Variants in SERPINA6 observed in about 807,000 individuals in gnomAD.
SERPINA6 encodes corticosteroid-binding globulin.
Under a neutral mutation model 26.4 loss-of-function variants are expected in SERPINA6, and 19 were observed. The ratio of observed to expected loss-of-function variants is 0.72; its 90% CI spans 0.50 to 1.06. SERPINA6 has a LOEUF of 1.06. SERPINA6 is among the 50% of genes least tolerant of loss of function. SERPINA6 has a pLI of 0.00. For synonymous variants in SERPINA6, 196 were observed against 199.4 expected (o/e 0.98, Z 0.14); for missense variants, 473 against 504.0 (o/e 0.94, Z 0.59).
intron 3 of SERPINA6, 107 bp downstream of exon 3, chr14:94,309,629 G>C (rs1190569433): frequency 3.1e-6 from 4 of 1,302,932 alleles, no homozygotes; most frequent in Non-Finnish European, 4.4e-6. Context: ...AGCCCTGGAG[G>C]GTGAGTCCAG....
At chr14:94,306,022 A>T (rs1595572114) in intron 4 of SERPINA6, 49 bp downstream of exon 4, 1 of 1,607,286 alleles carries the variant, frequency 6.2e-7, no homozygotes, top group South Asian at 1.1e-5. Context: ...TTATATTTAT[A>T]TTGTGAATTT....
At chr14:94,312,500 C>T (rs61194802) in intron 2 of SERPINA6, among the ~76,000 whole-genome samples, 1 of 152,208 alleles carries the variant, frequency 6.6e-6, no homozygotes, top group Non-Finnish European at 1.5e-5. Context: ...ACAAAGATAC[C>T]CTGCACAAGA....
intron 1 of SERPINA6, among the ~76,000 whole-genome samples, chr14:94,322,998 G>A (rs549881824): frequency 3.9e-5 from 6 of 152,334 alleles, no homozygotes; most frequent in South Asian, 2.1e-4. Context: ...GGCAGTGGAC[G>A]AGAATGGTTC....
intron 1 of SERPINA6, among the ~76,000 whole-genome samples, chr14:94,317,826 T>G (rs1381261405): frequency 1.3e-5 from 2 of 152,220 alleles, no homozygotes; most frequent in African/African-American, 2.4e-5. Flanking sequence ...TACTTTTACC[T>G]AATATAGCAC....
chr14:94,304,331 G>C lies in SERPINA6; in HGVS notation c.*87C>G, dbSNP rs1447842678. 2 of 1,350,882 alleles carry C rather than the reference G, an allele frequency of 1.5e-6. No individual in the cohort carries two copies. Among genetic ancestry groups the C allele is most frequent in the Non-Finnish European group, 2.1e-6 (2 of 941,114 alleles). 83.7% of individuals were successfully genotyped at this position (1,350,882 alleles called of 1,614,324 possible). On this transcript the variant is annotated 3_prime_UTR_variant, in exon 5 of 5. Transcript: ENST00000341584. ...AGGGAGAAGAACTTGGAGGAGATTGGGGGAAACCTCCCGCTCTCCAAAACA... is the reference window on the plus strand; with the variant it reads ...AGGGAGAAGAACTTGGAGGAGATTGCGGGAAACCTCCCGCTCTCCAAAACA...
rs1895504714 is a variant in SERPINA6, at chr14:94,309,971, T to C, written c.649A>G (p.Arg217Gly). The C allele has an allele frequency of 1.9e-6, 3 of 1,614,006 alleles. No individual in the cohort carries two copies. The African/African-American group carries it at 4.0e-5, about 22-fold the overall frequency. The stretch of plus-strand genomic sequence containing the variant: ...TCGTCCACATAGAAGTTCTCCTCCC[T>C]GGTGCTTGCCAGGTCAAAGGGCTGT... Reference protein sequence around the residue: ...WTQPFDLASTREENFYVDETT... With the variant: ...WTQPFDLASTGEENFYVDETT... The change falls in exon 3 of 5, where the codon AGG becomes GGG. Residue 217 changes from arginine (R) to glycine (G), a missense_variant. By Grantham distance (125) the Arg-to-Gly change is moderately radical (BLOSUM62 -2). Transcript: ENST00000341584.
chr14:94,320,379 G>A (rs1895668394), intron 1 of SERPINA6, among the ~76,000 whole-genome samples: 1 of 152,222 alleles, frequency 6.6e-6, no homozygotes, highest in Non-Finnish European at 1.5e-5. Flanking sequence ...AATCATAGCA[G>A]CTGAACTTTC....
At chr14:94,322,513 A>AAAAC (rs71463938) in intron 1 of SERPINA6, among the ~76,000 whole-genome samples, 28,525 of 151,856 alleles carry the variant, frequency 0.19, 2,915 homozygotes, top group Non-Finnish European at 0.24. Context: ...TCCATCTTAA[A>AAAAC]AAACAAACAA....
At chr14:94,310,386 G>A (rs1398208870) in intron 2 of SERPINA6, among the ~76,000 whole-genome samples, 1 of 151,354 alleles carries the variant, frequency 6.6e-6, no homozygotes, top group East Asian at 1.9e-4. Context: ...CAAACTCAGA[G>A]TCCCTGGTGG....
intron 1 of SERPINA6, among the ~76,000 whole-genome samples, chr14:94,320,074 G>A (rs1895663097): frequency 6.6e-6 from 1 of 152,118 alleles, no homozygotes; most frequent in South Asian, 2.1e-4. Flanking sequence ...CTGCCTGCAA[G>A]GTTAGTGGTT....
chr14:94,321,657 A>G (rs564451809), intron 1 of SERPINA6, among the ~76,000 whole-genome samples: 1 of 152,112 alleles, frequency 6.6e-6, no homozygotes, highest in East Asian at 2.0e-4. Context: ...AGTCCTGCCT[A>G]TGTGGCTCCA....
At chr14:94,314,739 C>G in intron 1 of SERPINA6, 72 bp from the exon 2 acceptor site, 1 of 1,451,964 alleles carries the variant, frequency 6.9e-7, no homozygotes, top group East Asian at 2.3e-5. Flanking sequence ...CAAGAGGAGG[C>G]AGGCAAAAGA....
At chr14:94,306,659 C>T (rs566574915) in intron 3 of SERPINA6, among the ~76,000 whole-genome samples, 1 of 152,186 alleles carries the variant, frequency 6.6e-6, no homozygotes, top group Non-Finnish European at 1.5e-5. Context: ...CCAAGTCCAG[C>T]CCCTCTCTGT....
At chr14:94,308,475 A>G (rs189955732) in intron 3 of SERPINA6, among the ~76,000 whole-genome samples, 7 of 151,946 alleles carry the variant, frequency 4.6e-5, no homozygotes, top group Admixed American at 3.3e-4. Context: ...GAGTGAGTGA[A>G]TGAAATGCTG....
In SERPINA6 at chr14:94,309,818, GA is replaced by G; in HGVS notation, c.801del (p.Pro268ArgfsTer6). On this transcript the variant is annotated frameshift_variant, in exon 3 of 5. Coordinates refer to ENST00000341584, the MANE Select transcript of SERPINA6 (RefSeq NM_001756.4). LOFTEE classifies it high-confidence loss of function. Reference sequence around the variant, plus strand: ...ACTGTGTTCATCTTCCCCTTGTCCGGAAGGATGAAGAAGACAGTCCCATTGC... The same window carrying G: ...ACTGTGTTCATCTTCCCCTTGTCCGGAGGATGAAGAAGACAGTCCCATTGC... ...YVGNGTVFFI[L>X]PDKGKMNTVI... 1 of 1,614,196 alleles carries G rather than the reference GA, an allele frequency of 6.2e-7. No homozygotes were observed.
chr14:94,304,320 G>A lies in SERPINA6; in HGVS notation c.*98C>T. The A allele has an allele frequency of 7.6e-6, 9 of 1,181,850 alleles. No individual in the cohort carries two copies. Among genetic ancestry groups the A allele is most frequent in the Non-Finnish European group, 1.1e-5 (9 of 787,348 alleles). The allele number at this position is 1,181,850 out of a possible 1,614,324, so 73.2% of individuals were successfully genotyped here. Reference sequence around the variant, plus strand: ...ACTCTGGTTGGAGGGAGAAGAACTTGGAGGAGATTGGGGGAAACCTCCCGC... The same window carrying A: ...ACTCTGGTTGGAGGGAGAAGAACTTAGAGGAGATTGGGGGAAACCTCCCGC... On this transcript the variant is annotated 3_prime_UTR_variant, in exon 5 of 5. Transcript: ENST00000341584.
At chr14:94,308,930 C>T (rs555893077) in intron 3 of SERPINA6, among the ~76,000 whole-genome samples, 24 of 152,300 alleles carry the variant, frequency 1.6e-4, no homozygotes, top group African/African-American at 5.5e-4. Flanking sequence ...ACTCACCATT[C>T]TATGCACTCA....
intron 2 of SERPINA6, among the ~76,000 whole-genome samples, chr14:94,312,527 G>A (rs149638979): frequency 6.6e-6 from 1 of 152,358 alleles, no homozygotes; most frequent in Non-Finnish European, 1.5e-5. Flanking sequence ...AGTCTCGTGG[G>A]GGAGATGGTC....
At chr14:94,308,150 A>G (rs1303509998) in intron 3 of SERPINA6, among the ~76,000 whole-genome samples, 1 of 152,154 alleles carries the variant, frequency 6.6e-6, no homozygotes, top group East Asian at 1.9e-4. Context: ...TTCACACTCA[A>G]AGCAGTTTCA....
Sources: allele counts gnomAD v4.1 joint callset (sites outside exome capture counted in the v4.1 genomes callset), GRCh38; gene constraint gnomAD v4.1.1; transcripts MANE v1.5; gene names NCBI Gene and HGNC (gene_info 2026-07-23, HGNC 2026-07-21).